Variants in PIGL observed in about 807,000 individuals in gnomAD.
PIGL encodes the protein N-acetylglucosaminyl-phosphatidylinositol de-N-acetylase.
A neutral mutation model predicts 31.1 loss-of-function variants in PIGL; 22 were observed. That is an observed-to-expected ratio of 0.71 (90% CI 0.51 to 1.01). PIGL has a LOEUF of 1.01. PIGL is among the 50% of genes least tolerant of loss of function. The pLI is 0.00. For missense variants in PIGL, 302 were observed against 315.9 expected (o/e 0.96, Z 0.33); for synonymous variants, 131 against 117.4 (o/e 1.12, Z -0.75).
chr17:16,218,079 A>G lies in PIGL; in HGVS notation c.235+618A>G, dbSNP rs368233549. On this transcript the variant is annotated intron_variant, in intron 1 of 6. Transcript: ENST00000225609. ...AGAGAAAAGATCAAATGACAAAGCAAATATTGACCATTAAGCTGGAATATG... is the reference window on the plus strand; with the variant it reads ...AGAGAAAAGATCAAATGACAAAGCAGATATTGACCATTAAGCTGGAATATG... 1.6e-4 allele frequency: 24 copies of G among 152,392 alleles called. No homozygotes were observed. In the East Asian group the frequency reaches 3.7e-3, roughly 23 times the overall value. The allele number at this position is 152,392 out of a possible 1,614,324, so 9.4% of individuals were successfully genotyped here.
intron 4 of PIGL, among the ~76,000 whole-genome samples, chr17:16,314,973 C>T (rs2093069536): frequency 6.6e-6 from 1 of 152,106 alleles, no homozygotes; most frequent in Admixed American, 6.6e-5. Flanking sequence ...TACACTGCAC[C>T]AGAGAAAGGA....
intron 6 of PIGL, among the ~76,000 whole-genome samples, chr17:16,319,786 C>A (rs1208648490): frequency 6.7e-6 from 1 of 149,796 alleles, no homozygotes; most frequent in Non-Finnish European, 1.5e-5. Flanking sequence ...CCAGGGCAGA[C>A]TGCAAGAAGC....
chr17:16,290,668 G>A (rs1272028307), intron 2 of PIGL, among the ~76,000 whole-genome samples: 1 of 152,138 alleles, frequency 6.6e-6, no homozygotes, highest in Non-Finnish European at 1.5e-5. Context: ...ACAGGCATGA[G>A]CTACTGCGCC....
intron 3 of PIGL, among the ~76,000 whole-genome samples, chr17:16,306,252 C>T (rs1227803134): frequency 6.6e-6 from 1 of 151,684 alleles, no homozygotes; most frequent in African/African-American, 2.4e-5. Context: ...CCCAGCCTCG[C>T]TGTACAGTTT....
At chr17:16,228,050 C>CTTT (rs113533456) in intron 1 of PIGL, among the ~76,000 whole-genome samples, 3 of 127,842 alleles carry the variant, frequency 2.3e-5, no homozygotes, top group East Asian at 2.3e-4. Flanking sequence ...CCATTTTAAA[C>CTTT]TTTTTTTTTT....
At chr17:16,322,921 T>G (rs2093112041) in intron 6 of PIGL, among the ~76,000 whole-genome samples, 1 of 152,208 alleles carries the variant, frequency 6.6e-6, no homozygotes, top group South Asian at 2.1e-4. Context: ...CTGTCTTGCA[T>G]TCCTAAGCAC....
Position 16,233,956 on chromosome 17 carries a change from A to T in PIGL, c.236-15A>T. 6.8e-7 allele frequency: 1 copy of T among 1,478,424 alleles called. No homozygotes were observed. The allele number at this position is 1,478,424 out of a possible 1,614,324, so 91.6% of individuals were successfully genotyped here. On this transcript the variant is annotated splice_polypyrimidine_tract_variant and intron_variant, in intron 1 of 6. Coordinates refer to ENST00000225609, the MANE Select transcript of PIGL (RefSeq NM_004278.4). Reference sequence around the variant, plus strand: ...AAAAAAAAAAAATCTACCACTGTATATTTGTTACCCTCAGGAAATTACTAC... The same window carrying T: ...AAAAAAAAAAAATCTACCACTGTATTTTTGTTACCCTCAGGAAATTACTAC...
chr17:16,318,996 G>A (rs1769709335), intron 6 of PIGL, among the ~76,000 whole-genome samples: 1 of 151,342 alleles, frequency 6.6e-6, no homozygotes, highest in Non-Finnish European at 1.5e-5. Flanking sequence ...GCTCATGCCT[G>A]TAATCCCAGT....
At chr17:16,221,464 T>A (rs2092628675) in intron 1 of PIGL, among the ~76,000 whole-genome samples, 2 of 151,226 alleles carry the variant, frequency 1.3e-5, no homozygotes. Context: ...TTTTTTTTTT[T>A]TTTTTGAGAC....
At chr17:16,219,770 T>C (rs1027278207) in intron 1 of PIGL, among the ~76,000 whole-genome samples, 5 of 151,536 alleles carry the variant, frequency 3.3e-5, no homozygotes, top group African/African-American at 1.2e-4. Flanking sequence ...TTTGCTGGGA[T>C]AGCCAGGCTA....
chr17:16,246,840 C>T (rs899983880), intron 2 of PIGL, among the ~76,000 whole-genome samples: 9 of 150,528 alleles, frequency 6.0e-5, no homozygotes, highest in Admixed American at 2.0e-4. Flanking sequence ...CGCCCGCCAC[C>T]GCGCCCGGCT....
chr17:16,266,230 C>T (rs913827370), intron 2 of PIGL, among the ~76,000 whole-genome samples: 2 of 151,724 alleles, frequency 1.3e-5, no homozygotes, highest in South Asian at 2.1e-4. Flanking sequence ...GCCTGGCCAA[C>T]ATGGTGAAAA....
intron 2 of PIGL, among the ~76,000 whole-genome samples, chr17:16,257,828 GC>G (rs751791760): frequency 3.4e-4 from 51 of 152,018 alleles, no homozygotes; most frequent in Non-Finnish European, 7.2e-4. Context: ...ACTTTGGGAG[GC>G]CAAGGCGGGC....
Position 16,278,752 on chromosome 17 carries a change from C to T in PIGL, c.336-21136C>T, listed in dbSNP as rs533187412. Among the ~76,000 whole-genome samples the T allele has an allele frequency of 2.0e-5, 3 of 151,344 alleles. No individual in the cohort carries two copies. The East Asian group carries it at 5.8e-4, about 29-fold the overall frequency. ...CCACATTCACATGCCTTTTTATAAT[C>T]TTTTACCAAAAACACATTTCACTTT... On this transcript the variant is annotated intron_variant, in intron 2 of 6. Transcript: ENST00000225609.
intron 3 of PIGL, among the ~76,000 whole-genome samples, chr17:16,309,654 G>A (rs1307985732): frequency 2.6e-5 from 4 of 151,894 alleles, no homozygotes; most frequent in South Asian, 2.1e-4. Flanking sequence ...CCAGCTACTC[G>A]GAAGGCGGAG....
chr17:16,313,202 CAG>C (rs2093062423), intron 3 of PIGL, among the ~76,000 whole-genome samples: 1 of 152,188 alleles, frequency 6.6e-6, no homozygotes, highest in Admixed American at 6.5e-5. Context: ...TCTGCATAAA[CAG>C]AGTTCACTTA....
chr17:16,242,336 A>G (rs1484260903), intron 2 of PIGL, among the ~76,000 whole-genome samples: 2 of 152,176 alleles, frequency 1.3e-5, no homozygotes, highest in Admixed American at 1.3e-4. Context: ...AGCATGAGCC[A>G]CCATTCCCAG....
intron 4 of PIGL, among the ~76,000 whole-genome samples, chr17:16,316,176 A>C (rs956299335): frequency 6.6e-6 from 1 of 152,126 alleles, no homozygotes; most frequent in African/African-American, 2.4e-5. Context: ...TCTAAACAAC[A>C]AAGTGGGGAA....
At chr17:16,217,629 A>ACTCT in intron 1 of PIGL, 168 bp downstream of exon 1, 2 of 547,598 alleles carry the variant, frequency 3.7e-6, no homozygotes, top group Non-Finnish European at 3.2e-6. Flanking sequence ...CGGCCGGCTT[A>ACTCT]CCTGGTGGGT....
Sources: allele counts gnomAD v4.1 joint callset (sites outside exome capture counted in the v4.1 genomes callset), GRCh38; gene constraint gnomAD v4.1.1; transcripts MANE v1.5; gene names NCBI Gene and HGNC (gene_info 2026-07-23, HGNC 2026-07-21).